Variants in MAP3K12 observed in about 807,000 individuals in gnomAD.
The protein encoded by MAP3K12 is MAPK-upstream kinase.
MAP3K12 carries 14 observed loss-of-function variants against 87.5 expected under a neutral mutation model. The ratio of observed to expected loss-of-function variants is 0.16; its 90% CI spans 0.11 to 0.25. MAP3K12 has a LOEUF of 0.25. MAP3K12 is among the 10% of genes least tolerant of loss of function. The pLI is 1.00. For synonymous variants in MAP3K12, 469 were observed against 452.5 expected (o/e 1.04, Z -0.46); for missense variants, 802 against 1,140.4 (o/e 0.70, Z 4.27).
chr12:53,482,822 C>T lies in MAP3K12; in HGVS notation c.1981G>A (p.Gly661Arg), dbSNP rs34366500. The change falls in exon 11 of 14, where the codon GGA becomes AGA. Residue 661 changes from glycine (G) to arginine (R), a missense_variant. Gly to Arg is a moderately radical substitution (Grantham distance 125, BLOSUM62 -2). Transcript: ENST00000547488. ...GGTGGTGAGCCAGGATCCCCAGCTC[C>T]GCCTGTGGCCCCCCGGCCCCGGGAC... is the stretch of plus-strand genomic sequence containing the variant. ...LGSRGRGATGGAGDPGSPPPA... is the reference protein window; with the variant it reads ...LGSRGRGATGRAGDPGSPPPA... 1.3e-4 allele frequency: 207 copies of T among 1,610,782 alleles called. No homozygotes were observed. Among genetic ancestry groups the T allele is most frequent in the Non-Finnish European group, 1.6e-4 (184 of 1,178,036 alleles).
intron 11 of MAP3K12, 36 bp downstream of exon 11, chr12:53,482,529 A>G (rs1158369454): frequency 6.3e-7 from 1 of 1,595,398 alleles, no homozygotes; most frequent in South Asian, 1.1e-5. Context: ...GGATAAGGAA[A>G]AAGGGAAAGA....
At chr12:53,491,963 T>C (rs2137223099) in intron 1 of MAP3K12, among the ~76,000 whole-genome samples, 1 of 151,190 alleles carries the variant, frequency 6.6e-6, no homozygotes, top group African/African-American at 2.4e-5. Context: ...TGGTCCCAGC[T>C]ACTTGAGAGG....
Position 53,481,252 on chromosome 12 carries a change from C to CTG in MAP3K12, c.2608_2609insCA (p.Cys870SerfsTer73). On this transcript the variant is annotated frameshift_variant, in exon 14 of 14. Coordinates refer to ENST00000547488, the MANE Select transcript of MAP3K12 (RefSeq NM_001193511.2). LOFTEE classifies it high-confidence loss of function. ...GGAGTTGTCCAATTCAGTGCTGTCA[C>CTG]AGTCTGAGTCCTCAGAATTGGGAGG... The CTG allele has an allele frequency of 6.4e-7, 1 of 1,565,952 alleles. No homozygotes were observed. The highest frequency in any genetic ancestry group is 8.6e-7 in the Non-Finnish European group (1 of 1,156,412).
rs1162098148 is a variant in MAP3K12, at chr12:53,482,928, G to T, written c.1875C>A (p.Pro625=). 6.2e-7 allele frequency: 1 copy of T among 1,608,470 alleles called. No individual in the cohort carries two copies. The highest frequency in any genetic ancestry group is 8.5e-7 in the Non-Finnish European group (1 of 1,179,406). ...GGPSAWEACP[P]ALRGLHHDLL... ...GGTCATGATGAAGCCCACGGAGGGC[G>T]GGAGGGCAGGCCTCCCAGGCTGAGG... The change falls in exon 11 of 14, where the codon CCC becomes CCA. Residue 625 remains proline (P), a synonymous_variant. Coordinates refer to ENST00000547488, the MANE Select transcript of MAP3K12 (RefSeq NM_001193511.2).
chr12:53,495,134 T>C (rs1565892819), intron 1 of MAP3K12, among the ~76,000 whole-genome samples: 2 of 151,892 alleles, frequency 1.3e-5, no homozygotes, highest in African/African-American at 2.4e-5. Flanking sequence ...GGTCAGGAGA[T>C]GGAGACCATC....
upstream of MAP3K12, chr12:53,501,275 C>T (rs1943687341): frequency 3.3e-6 from 3 of 921,466 alleles, no homozygotes; most frequent in Non-Finnish European, 5.0e-6. Context: ...CGGGGGACTC[C>T]ATATCCCAGC....
rs1943070808 is a variant in MAP3K12 at position 53,482,074 on chromosome 12, C to T, written c.2447G>A (p.Arg816Gln). 13 of 1,614,040 alleles carry T rather than the reference C, an allele frequency of 8.1e-6. No homozygotes were observed. The highest frequency in any genetic ancestry group is 1.1e-5 in the Non-Finnish European group (13 of 1,180,034). Residue 816 changes from arginine (R) to glutamine (Q), a missense_variant, in exon 13 of 14, where the codon CGG becomes CAG. This residue lies in a region of MAP3K12 where 490 missense variants were observed against 496.6 expected (regional missense o/e 0.99). Transcript: ENST00000547488. ...CATGTCATCAGACCGCTCATCTGGCCGCTCATCAGTGTTGGTGCTGCCAAC... is the reference window on the plus strand; with the variant it reads ...CATGTCATCAGACCGCTCATCTGGCTGCTCATCAGTGTTGGTGCTGCCAAC... The part of the protein sequence containing the change: ...PEVGSTNTDE[R>Q]PDERSDDMCS...
At position 53,487,361 on chromosome 12, in the gene MAP3K12, AGGGTGTTC is replaced by A. The variant is rs1276353615; in HGVS notation, c.23_30del (p.Arg8LeufsTer13). Reference sequence around the variant, plus strand: ...GACACAAAGCCCCCAAAGGAAGGAGAGGGTGTTCGGGTCTCATGGAGGCAAGCCATCGC... The same window carrying A: ...GACACAAAGCCCCCAAAGGAAGGAGAGGGTCTCATGGAGGCAAGCCATCGC... On this transcript the variant is annotated frameshift_variant, in exon 2 of 14. Transcript: ENST00000547488. LOFTEE classifies it high-confidence loss of function. 1 of 1,613,250 alleles carries A rather than the reference AGGGTGTTC, an allele frequency of 6.2e-7. No homozygotes were observed. Among genetic ancestry groups the A allele is most frequent in the Non-Finnish European group, 8.5e-7 (1 of 1,179,630 alleles).
intron 1 of MAP3K12, among the ~76,000 whole-genome samples, chr12:53,489,434 C>T (rs1943340818): frequency 6.6e-6 from 1 of 152,236 alleles, no homozygotes; most frequent in Non-Finnish European, 1.5e-5. Flanking sequence ...AATAAACTGG[C>T]TGTCACTAAG....
upstream of MAP3K12, chr12:53,501,527 G>A (rs1943705668): frequency 1.9e-6 from 3 of 1,547,548 alleles, no homozygotes; most frequent in Admixed American, 2.0e-5. Flanking sequence ...GAGTAGCGGC[G>A]CGGCCCCAGC....
intron 13 of MAP3K12, chr12:53,481,738 T>G: frequency 3.4e-6 from 2 of 590,758 alleles, no homozygotes; most frequent in Non-Finnish European, 5.8e-6. Context: ...CTGGCTGCAA[T>G]TTATAGCTAC....
intron 1 of MAP3K12, among the ~76,000 whole-genome samples, chr12:53,495,167 G>A (rs1161745067): frequency 2.6e-5 from 4 of 151,674 alleles, no homozygotes; most frequent in African/African-American, 7.3e-5. Flanking sequence ...GGGAAACCCC[G>A]TCTCTACTAA....
chr12:53,484,820 T>C (rs1943182717), intron 6 of MAP3K12: 2 of 571,816 alleles, frequency 3.5e-6, no homozygotes, highest in East Asian at 3.1e-5. Context: ...TGGCACTTCA[T>C]GACAAATCAG....
chr12:53,481,892 T>G, intron 13 of MAP3K12, 49 bp downstream of exon 13: 1 of 1,585,928 alleles, frequency 6.3e-7, no homozygotes, highest in South Asian at 1.2e-5. Flanking sequence ...AGGCATCTGC[T>G]TACAGCTCTC....
chr12:53,484,064 C>T (rs1943157604), intron 7 of MAP3K12, 44 bp from the exon 8 acceptor site: 1 of 1,573,584 alleles, frequency 6.4e-7, no homozygotes, highest in Non-Finnish European at 8.7e-7. Flanking sequence ...ATCCCTTCAC[C>T]CAGTGAAAGG....
At chr12:53,498,938 G>A in intron 1 of MAP3K12, among the ~76,000 whole-genome samples, 1 of 5,700 alleles carries the variant, frequency 1.8e-4, no homozygotes, top group Admixed American at 2.1e-3. Context: ...GTGTGTGTGT[G>A]TGTGTGTGTG....
chr12:53,483,068 G>C lies in MAP3K12; in HGVS notation c.1735C>G (p.Arg579Gly). The C allele has an allele frequency of 6.5e-7, 1 of 1,540,932 alleles. No homozygotes were observed. The highest frequency in any genetic ancestry group is 8.7e-7 in the Non-Finnish European group (1 of 1,145,396). The change falls in exon 11 of 14, where the codon CGT (arginine) becomes GGT (glycine). Residue 579 changes from arginine to glycine, a missense_variant. Physicochemically the swap from Arg to Gly is moderately radical, Grantham distance 125. Coordinates refer to ENST00000547488, the MANE Select transcript of MAP3K12 (RefSeq NM_001193511.2). ...SPGRSRRGKT[R>G]HRKASAKGSC... is the part of the protein sequence containing the mutation. ...CCCTTGGCGCTGGCCTTGCGGTGAC[G>C]GGTCTTGCCACGGCGACTCCGTCCT...
At chr12:53,489,058 C>A (rs1271595333) in intron 1 of MAP3K12, among the ~76,000 whole-genome samples, 1 of 121,828 alleles carries the variant, frequency 8.2e-6, no homozygotes, top group South Asian at 2.5e-4. Flanking sequence ...CAGCCTTGGG[C>A]GACAGAGTGA....
intron 1 of MAP3K12, among the ~76,000 whole-genome samples, chr12:53,491,478 G>T (rs1479059842): frequency 6.7e-6 from 1 of 148,958 alleles, no homozygotes; most frequent in Non-Finnish European, 1.5e-5. Flanking sequence ...CTGTCACCCA[G>T]GCTGGAGCTC....
Sources: gnomAD v4.1 joint callset for allele counts (sites outside exome capture counted in the v4.1 genomes callset) on GRCh38, gnomAD v4.1.1 for gene constraint, gnomAD v4.1.1 regional missense constraint, MANE v1.5 for transcripts, NCBI Gene and HGNC (gene_info 2026-07-23, HGNC 2026-07-21) for gene names.